Variants in LMX1A observed in about 807,000 individuals in gnomAD.
The protein encoded by LMX1A is LIM homeobox transcription factor 1-alpha.
A neutral mutation model predicts 49.1 loss-of-function variants in LMX1A; 15 were observed. The observed-to-expected ratio is 0.31, with a 90% CI of 0.20 to 0.47. The LOEUF (loss-of-function observed/expected upper bound fraction) is 0.47, where lower values mean the gene tolerates loss of function less well. Among genes scored for constraint, LMX1A ranks in the 20% least tolerant of loss-of-function variants. The pLI is 1.00. For missense variants in LMX1A, 372 were observed against 475.8 expected (o/e 0.78, Z 2.03); for synonymous variants, 167 against 185.7 (o/e 0.90, Z 0.82).
At position 165,206,054 on chromosome 1, in the gene LMX1A, C is replaced by G. The variant is rs900546755; in HGVS notation, c.818-20G>C. On this transcript the variant is annotated intron_variant, in intron 7 of 8. Transcript: ENST00000342310. The stretch of plus-strand genomic sequence containing the variant: ...TCTGAGCTGTGGAACAAAGAAGAAG[C>G]CAGGTCATTCTCAACGTGCAGCCTG... The G allele has an allele frequency of 1.3e-6, 2 of 1,513,042 alleles. No homozygotes were observed. The highest frequency in any genetic ancestry group is 4.8e-5 in the East Asian group (2 of 41,726). The allele number at this position is 1,513,042 out of a possible 1,614,324, so 93.7% of individuals were successfully genotyped here.
At chr1:165,276,675 AT>A (rs1395232590) in intron 3 of LMX1A, among the ~76,000 whole-genome samples, 22 of 135,324 alleles carry the variant, frequency 1.6e-4, no homozygotes, top group Non-Finnish European at 3.3e-4. Flanking sequence ...AAAAAAAAAA[AT>A]TAAGTGTGGC....
chr1:165,260,202 C>G (rs1419289021), intron 3 of LMX1A, among the ~76,000 whole-genome samples: 1 of 152,166 alleles, frequency 6.6e-6, no homozygotes, highest in Non-Finnish European at 1.5e-5. Flanking sequence ...CAGAAAACAA[C>G]AGAGCAGAAG....
chr1:165,318,987 T>TCA (rs1655299263), intron 3 of LMX1A, among the ~76,000 whole-genome samples: 3 of 60,864 alleles, frequency 4.9e-5, no homozygotes, highest in Non-Finnish European at 1.1e-4. Context: ...AGATCTCCTC[T>TCA]CTCTCTCTCT....
intron 2 of LMX1A, among the ~76,000 whole-genome samples, chr1:165,354,101 G>A (rs898442332): frequency 4.6e-5 from 7 of 152,148 alleles, no homozygotes; most frequent in Non-Finnish European, 2.9e-5. Context: ...TGGTTCAGGT[G>A]GCGACGCTTG....
intron 3 of LMX1A, among the ~76,000 whole-genome samples, chr1:165,286,570 G>A (rs1413606698): frequency 6.6e-6 from 1 of 152,160 alleles, no homozygotes; most frequent in East Asian, 1.9e-4. Flanking sequence ...AAAATAAAAT[G>A]AGAGTACCCA....
At chr1:165,271,973 C>T (rs974446369) in intron 3 of LMX1A, among the ~76,000 whole-genome samples, 1 of 152,162 alleles carries the variant, frequency 6.6e-6, no homozygotes, top group African/African-American at 2.4e-5. Context: ...CCATGTTGGA[C>T]AGCACAGATA....
At chr1:165,239,471 ATTTCTCCATCTAC>A (rs1482973290) in intron 4 of LMX1A, among the ~76,000 whole-genome samples, 1 of 152,168 alleles carries the variant, frequency 6.6e-6, no homozygotes, top group Non-Finnish European at 1.5e-5. Flanking sequence ...CTGTGTCTTT[ATTTCTCCATCTAC>A]TTTATGAAGA....
chr1:165,276,400 C>T (rs1331950492), intron 3 of LMX1A, among the ~76,000 whole-genome samples: 2 of 152,196 alleles, frequency 1.3e-5, no homozygotes, highest in Non-Finnish European at 2.9e-5. Flanking sequence ...CCTCACCCTT[C>T]CTATCTTTGG....
At chr1:165,219,904 G>T (rs1355854908) in intron 4 of LMX1A, among the ~76,000 whole-genome samples, 3 of 152,198 alleles carry the variant, frequency 2.0e-5, no homozygotes, top group Non-Finnish European at 4.4e-5. Context: ...TAATAACTGT[G>T]CAGAGGAGTT....
chr1:165,330,253 C>T (rs1439479544), intron 3 of LMX1A, among the ~76,000 whole-genome samples: 1 of 152,192 alleles, frequency 6.6e-6, no homozygotes, highest in Non-Finnish European at 1.5e-5. Context: ...GCTGGAGGTT[C>T]ACTTGATCCC....
intron 3 of LMX1A, among the ~76,000 whole-genome samples, chr1:165,256,612 T>C (rs1274475239): frequency 6.6e-6 from 1 of 152,202 alleles, no homozygotes; most frequent in Non-Finnish European, 1.5e-5. Context: ...AAAGACATGA[T>C]ATCTATTCTA....
At chr1:165,331,644 C>T (rs1019435689) in intron 3 of LMX1A, among the ~76,000 whole-genome samples, 2 of 152,202 alleles carry the variant, frequency 1.3e-5, no homozygotes, top group Admixed American at 6.5e-5. Context: ...GGGCCGGGCA[C>T]GGTGGCTCAC....
chr1:165,323,804 C>CT (rs5778439), intron 3 of LMX1A, among the ~76,000 whole-genome samples: 61,987 of 152,016 alleles, frequency 0.41, 13,545 homozygotes, highest in Middle Eastern at 0.49. Context: ...GTTCTCAATA[C>CT]TTTCACATCT....
intron 3 of LMX1A, among the ~76,000 whole-genome samples, chr1:165,309,996 C>G (rs1655029412): frequency 6.6e-6 from 1 of 152,188 alleles, no homozygotes. Context: ...GAACAAAAGC[C>G]TCAGCTTTGT....
At chr1:165,235,154 G>T (rs192589848) in intron 4 of LMX1A, among the ~76,000 whole-genome samples, 204 of 135,680 alleles carry the variant, frequency 1.5e-3, no homozygotes, top group African/African-American at 4.0e-3. Flanking sequence ...CAGTTAGAGC[G>T]TATAGGGGGC....
intron 3 of LMX1A, among the ~76,000 whole-genome samples, chr1:165,303,970 A>G (rs1160239725): frequency 6.6e-6 from 1 of 151,868 alleles, no homozygotes; most frequent in Non-Finnish European, 1.5e-5. Flanking sequence ...AAAGTTTATT[A>G]CACCCTTCAT....
intron 6 of LMX1A, among the ~76,000 whole-genome samples, chr1:165,209,103 A>G (rs1651247105): frequency 1.3e-5 from 2 of 152,202 alleles, no homozygotes; most frequent in African/African-American, 2.4e-5. Flanking sequence ...AAGATTTTTC[A>G]GAGCTTTAAA....
chr1:165,321,102 A>T (rs1470711065), intron 3 of LMX1A, among the ~76,000 whole-genome samples: 1 of 152,230 alleles, frequency 6.6e-6, no homozygotes, highest in Non-Finnish European at 1.5e-5. Context: ...ACATGGACGA[A>T]CCCTAAAAAC....
chr1:165,302,204 G>A (rs1277857118), intron 3 of LMX1A, among the ~76,000 whole-genome samples: 2 of 140,388 alleles, frequency 1.4e-5, no homozygotes, highest in Non-Finnish European at 1.6e-5. Context: ...TTGGGAGGCC[G>A]GTGGGGGGCG....
Sources: allele counts gnomAD v4.1 joint callset (sites outside exome capture counted in the v4.1 genomes callset), GRCh38; gene constraint gnomAD v4.1.1; transcripts MANE v1.5; gene names NCBI Gene and HGNC (gene_info 2026-07-23, HGNC 2026-07-21).